ZNF883: variants seen among roughly 807,000 people sequenced by gnomAD.
ZNF883 encodes the protein zinc finger protein 883.
exon 1 of ZNF883, chr9:112,998,075 A>T: frequency 6.2e-7 from 1 of 1,613,968 alleles, no homozygotes; most frequent in South Asian, 1.1e-5. Flanking sequence ...TCCAGTATGT[A>T]TTCTTTGATG....
At chr9:113,008,838 A>C (rs1411588070) in intron 2 of ZNF883, among the ~76,000 whole-genome samples, 2 of 151,874 alleles carry the variant, frequency 1.3e-5, no homozygotes, top group East Asian at 3.9e-4. Flanking sequence ...TCCTGTTACT[A>C]TGGAGTATAA....
intron 1 of ZNF883, among the ~76,000 whole-genome samples, chr9:112,990,847 G>GT (rs1828295212): frequency 6.6e-6 from 1 of 152,126 alleles, no homozygotes; most frequent in African/African-American, 2.4e-5. Context: ...TTGGGAGGGT[G>GT]TATGTGTCCA....
chr9:113,009,360 A>T (rs954208674), intron 2 of ZNF883, among the ~76,000 whole-genome samples: 1 of 151,616 alleles, frequency 6.6e-6, no homozygotes, highest in Admixed American at 6.6e-5. Flanking sequence ...TGCTGCTATC[A>T]CTCACCCCTC....
At chr9:112,992,651 T>C (rs1828313589), downstream of ZNF883, among the ~76,000 whole-genome samples, 1 of 152,222 alleles carries the variant, frequency 6.6e-6, no homozygotes, top group Admixed American at 6.5e-5. Flanking sequence ...GAAGTTCTCC[T>C]GGATGACATC....
downstream of ZNF883, among the ~76,000 whole-genome samples, chr9:112,995,738 A>G (rs1019974320): frequency 2.6e-5 from 4 of 152,134 alleles, no homozygotes; most frequent in Admixed American, 2.6e-4. Flanking sequence ...GTAGATTTCT[A>G]TTTTTGAAAT....
chr9:112,997,133 G>T, exon 1 of ZNF883: 1 of 1,602,610 alleles, frequency 6.2e-7, no homozygotes, highest in South Asian at 1.1e-5. Flanking sequence ...CTCTGCTAAG[G>T]TTTCCTTTCT....
At chr9:112,992,527 G>T (rs960428476), downstream of ZNF883, among the ~76,000 whole-genome samples, 2 of 151,962 alleles carry the variant, frequency 1.3e-5, no homozygotes, top group Non-Finnish European at 2.9e-5. Context: ...CCTTCATTTC[G>T]ACCTTGGAGA....
At chr9:112,994,862 C>CT (rs1357272832), downstream of ZNF883, among the ~76,000 whole-genome samples, 2 of 151,670 alleles carry the variant, frequency 1.3e-5, no homozygotes, top group African/African-American at 2.4e-5. Flanking sequence ...TTATTGCTAT[C>CT]TTTTTTTTCT....
At chr9:112,996,996 CAT>C, downstream of ZNF883, 1 of 850,028 alleles carries the variant, frequency 1.2e-6, no homozygotes, top group African/African-American at 1.7e-5. Context: ...GTACAAATAG[CAT>C]ATTAAGTAAA....
At chr9:113,000,927 A>G (rs927175359), upstream of ZNF883, among the ~76,000 whole-genome samples, 4 of 152,144 alleles carry the variant, frequency 2.6e-5, no homozygotes, top group African/African-American at 9.7e-5. Context: ...AAGTAAAAAA[A>G]CCATAAAGGC....
rs138724160 is a variant in ZNF883, at chr9:113,010,972, G to A, written n.165+169C>T. 6.7e-3 allele frequency among the ~76,000 whole-genome samples: 879 copies of A among 132,078 alleles called. 13 individuals are homozygous for A. The highest frequency in any genetic ancestry group is 0.025 in the African/African-American group (844 of 33,690). The allele number at this position is 132,078 out of a possible 152,430, so 86.6% of individuals were successfully genotyped here. ...TGCACTCCAGCCTGGGCAACTGGAC[G>A]AGACCTTGTCTCAAAAAAAAAAAAA... On this transcript the variant is annotated intron_variant and non_coding_transcript_variant, in intron 2 of 4. Coordinates refer to the ZNF883 transcript ENST00000638622.
chr9:112,995,235 G>A (rs1455432621), downstream of ZNF883, among the ~76,000 whole-genome samples: 6 of 152,074 alleles, frequency 3.9e-5, no homozygotes, highest in African/African-American at 1.4e-4. Flanking sequence ...CTCCCTGCCT[G>A]TCTTCAAGCT....
At chr9:113,007,735 G>A (rs1828492267) in intron 2 of ZNF883, among the ~76,000 whole-genome samples, 1 of 152,154 alleles carries the variant, frequency 6.6e-6, no homozygotes, top group African/African-American at 2.4e-5. Flanking sequence ...GTTAGAAAGA[G>A]GTTCAGGAAA....
At chr9:113,002,016 G>A (rs1828430676), upstream of ZNF883, 1 of 152,138 alleles carries the variant, frequency 6.6e-6, no homozygotes, top group Non-Finnish European at 1.5e-5. Flanking sequence ...GGCTGTAACA[G>A]TTTTTGAAGA....
chr9:112,996,361 T>C (rs1398536360), downstream of ZNF883, among the ~76,000 whole-genome samples: 1 of 152,206 alleles, frequency 6.6e-6, no homozygotes, highest in Admixed American at 6.5e-5. Context: ...ATTAATGAAA[T>C]CTGTCAATTT....
At chr9:112,997,624 A>T in exon 1 of ZNF883, 1 of 1,613,876 alleles carries the variant, frequency 6.2e-7, no homozygotes, top group Non-Finnish European at 8.5e-7. Context: ...TCCCACATTC[A>T]TTACATTCAT....
chr9:113,011,040 C>T (rs1828533082), intron 2 of ZNF883, 101 bp downstream of exon 2: 1 of 150,514 alleles, frequency 6.6e-6, no homozygotes, highest in Non-Finnish European at 1.5e-5. Flanking sequence ...AAGAGATTAT[C>T]AAGGGACGTT....
At chr9:112,998,896 G>T (rs1828393528), upstream of ZNF883, 1 of 152,072 alleles carries the variant, frequency 6.6e-6, no homozygotes, top group African/African-American at 2.4e-5. Context: ...CCTCGAAGTT[G>T]TTATATTCAT....
chr9:113,001,238 T>TA (rs1362597699), upstream of ZNF883, among the ~76,000 whole-genome samples: 5 of 152,102 alleles, frequency 3.3e-5, no homozygotes, highest in Non-Finnish European at 5.9e-5. Flanking sequence ...GAAAGGTAGA[T>TA]AAAAAATTTT....
Sources: allele counts gnomAD v4.1 joint callset (sites outside exome capture counted in the v4.1 genomes callset), GRCh38; gene constraint gnomAD v4.1.1; transcripts MANE v1.5; gene names NCBI Gene and HGNC (gene_info 2026-07-23, HGNC 2026-07-21).